Variants in PDE1C observed in about 807,000 individuals in gnomAD.
The protein encoded by PDE1C is dual specificity calcium/calmodulin-dependent 3',5'-cyclic nucleotide phosphodiesterase 1C.
Under a neutral mutation model 93.1 loss-of-function variants are expected in PDE1C, and 62 were observed. The ratio of observed to expected loss-of-function variants is 0.67; its 90% CI spans 0.54 to 0.82. PDE1C has a LOEUF of 0.82. Ranked by LOEUF, PDE1C falls within the 40% of genes least tolerant of loss-of-function variation. The pLI is 0.00. For synonymous variants in PDE1C, 325 were observed against 310.1 expected (o/e 1.05, Z -0.50); for missense variants, 742 against 884.6 (o/e 0.84, Z 2.04).
the PDE1C span, among the ~76,000 whole-genome samples, chr7:31,716,427 C>A: frequency 3.3e-5 from 5 of 152,064 alleles, no homozygotes; most frequent in Admixed American, 3.3e-4. Context: ...TTAAATAACA[C>A]CAGACCCACA....
chr7:31,995,364 CA>C (rs1306383455), intron 2 of PDE1C, among the ~76,000 whole-genome samples: 1 of 152,114 alleles, frequency 6.6e-6, no homozygotes, highest in African/African-American at 2.4e-5. Flanking sequence ...AGACCCAAAA[CA>C]CAAACTTGCA....
chr7:32,366,922 G>A (rs909488140), intron 1 of PDE1C, among the ~76,000 whole-genome samples: 8 of 151,300 alleles, frequency 5.3e-5, no homozygotes, highest in Non-Finnish European at 1.0e-4. Context: ...CCAGCTACTT[G>A]GGAGGCTGAG....
chr7:32,339,601 T>C (rs916726107), intron 1 of PDE1C, among the ~76,000 whole-genome samples: 5 of 152,162 alleles, frequency 3.3e-5, no homozygotes, highest in Non-Finnish European at 7.3e-5. Flanking sequence ...AGGACGGAAC[T>C]CTCCGTGACA....
chr7:32,020,622 T>G (rs577075723), intron 2 of PDE1C, among the ~76,000 whole-genome samples: 1 of 152,140 alleles, frequency 6.6e-6, no homozygotes, highest in South Asian at 2.1e-4. Flanking sequence ...GTAAAAACAT[T>G]TAGTGTAAAA....
At chr7:32,005,089 T>C (rs1273307180) in intron 2 of PDE1C, among the ~76,000 whole-genome samples, 2 of 152,172 alleles carry the variant, frequency 1.3e-5, no homozygotes, top group Non-Finnish European at 2.9e-5. Flanking sequence ...TACTGATCCA[T>C]AGCACTTTAT....
At chr7:32,142,938 T>C (rs1192581803) in intron 3 of PDE1C, among the ~76,000 whole-genome samples, 3 of 151,856 alleles carry the variant, frequency 2.0e-5, no homozygotes, top group African/African-American at 7.3e-5. Context: ...TAGTTCAAAG[T>C]GTGGAGAGAC....
chr7:31,677,226 C>A, the PDE1C span, among the ~76,000 whole-genome samples: 15 of 152,186 alleles, frequency 9.9e-5, no homozygotes, highest in Admixed American at 2.0e-4. Context: ...TTTTACCAAA[C>A]TTTTAAAGAT....
chr7:31,638,955 T>C, the PDE1C span, among the ~76,000 whole-genome samples: 1 of 152,128 alleles, frequency 6.6e-6, no homozygotes, highest in African/African-American at 2.4e-5. Context: ...TTTGTATTTT[T>C]TGGTAGACAC....
At chr7:32,176,860 G>GTAAGTA (rs1803027087) in intron 2 of PDE1C, among the ~76,000 whole-genome samples, 2 of 152,140 alleles carry the variant, frequency 1.3e-5, no homozygotes, top group Non-Finnish European at 2.9e-5. Flanking sequence ...TCTTATTCCA[G>GTAAGTA]GAGACAGAAA....
At chr7:31,837,382 T>C in intron 10 of PDE1C, 82 bp from the exon 11 acceptor site, 1 of 1,320,474 alleles carries the variant, frequency 7.6e-7, no homozygotes, top group South Asian at 1.8e-5. Flanking sequence ...CATTAAGTTT[T>C]TAATCTCTTT....
At chr7:32,326,489 T>C (rs1783406111) in intron 1 of PDE1C, among the ~76,000 whole-genome samples, 1 of 152,146 alleles carries the variant, frequency 6.6e-6, no homozygotes, top group South Asian at 2.1e-4. Flanking sequence ...CAGTGAGGAA[T>C]CCAGAGATTA....
intron 2 of PDE1C, among the ~76,000 whole-genome samples, chr7:32,034,269 C>T (rs1192881623): frequency 2.6e-5 from 4 of 152,048 alleles, no homozygotes; most frequent in Admixed American, 2.6e-4. Context: ...CCTCTTGTGG[C>T]CCAACAGATG....
chr7:31,790,419 AG>A (rs1784449280), intron 16 of PDE1C, among the ~76,000 whole-genome samples: 1 of 152,150 alleles, frequency 6.6e-6, no homozygotes, highest in Non-Finnish European at 1.5e-5. Flanking sequence ...CCTTGTAACA[AG>A]ATTTGTTCTA....
the PDE1C span, among the ~76,000 whole-genome samples, chr7:31,627,625 A>C: frequency 7.0e-6 from 1 of 142,420 alleles, no homozygotes; most frequent in Non-Finnish European, 1.5e-5. Context: ...ATGCCACTGC[A>C]ATCCAGCCTG....
At position 32,015,037 on chromosome 7, in the gene PDE1C, A is replaced by C. The variant is rs562314636; in HGVS notation, c.128+36517T>G. ...TTCTCACAAGATCTGATGGTTTCAC[A>C]AAGGGCTCTTCCCACTTTGTTTGGC... is the stretch of plus-strand genomic sequence containing the variant. On this transcript the variant is annotated intron_variant, in intron 2 of 17. Coordinates refer to ENST00000396191, the MANE Select transcript of PDE1C (RefSeq NM_001191057.4). Among the ~76,000 whole-genome samples the C allele has an allele frequency of 2.0e-5, 3 of 152,146 alleles. No individual in the cohort carries two copies. In the South Asian group the frequency reaches 6.2e-4, roughly 32 times the overall value.
At chr7:31,930,253 G>C (rs1282281934) in intron 2 of PDE1C, among the ~76,000 whole-genome samples, 1 of 152,166 alleles carries the variant, frequency 6.6e-6, no homozygotes, top group Non-Finnish European at 1.5e-5. Flanking sequence ...TTCTGAAATT[G>C]AGGCAGTAAT....
intron 2 of PDE1C, among the ~76,000 whole-genome samples, chr7:32,180,396 T>C (rs1001539168): frequency 6.6e-6 from 1 of 152,236 alleles, no homozygotes; most frequent in African/African-American, 2.4e-5. Flanking sequence ...TCTTGTTAGA[T>C]TAACCTGTTT....
intron 3 of PDE1C, among the ~76,000 whole-genome samples, chr7:32,088,226 A>G (rs1584739510): frequency 6.6e-6 from 1 of 152,190 alleles, no homozygotes; most frequent in African/African-American, 2.4e-5. Flanking sequence ...AAGCTCCTAA[A>G]AAAAGCTGCA....
intron 3 of PDE1C, among the ~76,000 whole-genome samples, chr7:31,880,114 G>A (rs564869787): frequency 2.5e-4 from 38 of 151,890 alleles, no homozygotes; most frequent in Non-Finnish European, 2.6e-4. Flanking sequence ...CACAAATACT[G>A]ACAGAGAAGC....
Sources: allele counts gnomAD v4.1 joint callset (sites outside exome capture counted in the v4.1 genomes callset), GRCh38; gene constraint gnomAD v4.1.1; transcripts MANE v1.5; gene names NCBI Gene and HGNC (gene_info 2026-07-23, HGNC 2026-07-21).